Variants in AFTPH observed in about 807,000 individuals in gnomAD.
The protein encoded by AFTPH is aftiphilin protein.
A neutral mutation model predicts 72.5 loss-of-function variants in AFTPH; 7 were observed. The ratio of observed to expected loss-of-function variants is 0.10; its 90% CI spans 0.05 to 0.18. AFTPH has a LOEUF of 0.18. Ranked by LOEUF, AFTPH falls within the 10% of genes least tolerant of loss-of-function variation. The pLI is 1.00. For missense variants in AFTPH, 979 were observed against 1,060.5 expected (o/e 0.92, Z 1.07); for synonymous variants, 337 against 370.1 (o/e 0.91, Z 1.03).
At chr2:64,554,757 G>A (rs1320009104) in intron 2 of AFTPH, among the ~76,000 whole-genome samples, 3 of 152,194 alleles carry the variant, frequency 2.0e-5, no homozygotes, top group African/African-American at 7.2e-5. Context: ...TAAACAAGAA[G>A]TGAACTAATT....
chr2:64,530,881 G>A (rs965142078), intron 1 of AFTPH, among the ~76,000 whole-genome samples: 1 of 151,816 alleles, frequency 6.6e-6, no homozygotes, highest in Non-Finnish European at 1.5e-5. Context: ...GGCCAACATG[G>A]TAAAACCCCG....
chr2:64,529,243 GCTTTAT>G, intron 1 of AFTPH, among the ~76,000 whole-genome samples: 1 of 151,536 alleles, frequency 6.6e-6, no homozygotes, highest in Non-Finnish European at 1.5e-5. Flanking sequence ...GGGGCCCCAT[GCTTTAT>G]CTTTAATGAC....
intron 8 of AFTPH, among the ~76,000 whole-genome samples, chr2:64,591,443 C>G (rs1673818225): frequency 6.6e-6 from 1 of 152,254 alleles, no homozygotes; most frequent in Non-Finnish European, 1.5e-5. Flanking sequence ...ATGACTTAGT[C>G]TTTCCCTGGG....
chr2:64,525,017 C>T (rs574615420), intron 1 of AFTPH, among the ~76,000 whole-genome samples: 3 of 152,360 alleles, frequency 2.0e-5, no homozygotes, highest in Non-Finnish European at 2.9e-5. Flanking sequence ...CCCCCTCCCT[C>T]GTGACAGGTG....
chr2:64,527,091 C>T (rs939277530), intron 1 of AFTPH, among the ~76,000 whole-genome samples: 1 of 152,060 alleles, frequency 6.6e-6, no homozygotes, highest in African/African-American at 2.4e-5. Flanking sequence ...CTAAAAGTGA[C>T]CTTTGGAGAA....
At chr2:64,580,299 C>T (rs1320195208) in intron 7 of AFTPH, 1 of 152,594 alleles carries the variant, frequency 6.6e-6, no homozygotes, top group Non-Finnish European at 1.5e-5. Flanking sequence ...GTCTAAACAC[C>T]TATCATTGTC....
At chr2:64,561,678 TAAAAAG>T (rs1671752413) in intron 2 of AFTPH, among the ~76,000 whole-genome samples, 1 of 151,782 alleles carries the variant, frequency 6.6e-6, no homozygotes, top group South Asian at 2.1e-4. Flanking sequence ...GACCATCTCT[TAAAAAG>T]AAAAAAAAAA....
intron 1 of AFTPH, among the ~76,000 whole-genome samples, chr2:64,533,028 C>A (rs1669710697): frequency 6.6e-6 from 1 of 152,026 alleles, no homozygotes; most frequent in Non-Finnish European, 1.5e-5. Context: ...CTTTTTCCTG[C>A]AGAAAATAAA....
exon 2 of AFTPH, chr2:64,552,576 C>T (rs1009912088): frequency 6.2e-7 from 1 of 1,614,124 alleles, no homozygotes; most frequent in Non-Finnish European, 8.5e-7. Context: ...ATGTGCTCAC[C>T]TATGCATGGA....
intron 2 of AFTPH, 51 bp from the exon 3 acceptor site, chr2:64,567,511 A>T: frequency 6.4e-7 from 1 of 1,562,282 alleles, no homozygotes; most frequent in Admixed American, 1.9e-5. Flanking sequence ...TATAACTATG[A>T]TATTATCAAA....
At chr2:64,571,026 C>G (rs913603715) in intron 5 of AFTPH, among the ~76,000 whole-genome samples, 1 of 143,238 alleles carries the variant, frequency 7.0e-6, no homozygotes, top group African/African-American at 2.6e-5. Context: ...TTAAATGTAT[C>G]TCGCCCTCCC....
intron 7 of AFTPH, among the ~76,000 whole-genome samples, chr2:64,583,332 A>C (rs1573043880): frequency 6.7e-6 from 1 of 149,454 alleles, no homozygotes; most frequent in Non-Finnish European, 1.5e-5. Context: ...AAAAAAAAAG[A>C]CCTTCCATTA....
At chr2:64,562,477 G>T (rs1302857579) in intron 2 of AFTPH, among the ~76,000 whole-genome samples, 1 of 151,846 alleles carries the variant, frequency 6.6e-6, no homozygotes, top group Non-Finnish European at 1.5e-5. Context: ...GAACTGCTTT[G>T]ATGACAACAT....
At chr2:64,526,958 A>G (rs1224938447) in intron 1 of AFTPH, among the ~76,000 whole-genome samples, 1 of 152,230 alleles carries the variant, frequency 6.6e-6, no homozygotes, top group African/African-American at 2.4e-5. Flanking sequence ...GTTAAGTGAC[A>G]GATCCGTTTG....
At chr2:64,530,830 G>A (rs538648252) in intron 1 of AFTPH, among the ~76,000 whole-genome samples, 5 of 152,182 alleles carry the variant, frequency 3.3e-5, no homozygotes, top group African/African-American at 1.2e-4. Flanking sequence ...GGGAGGCCGA[G>A]GCGGGAGTAT....
intron 6 of AFTPH, among the ~76,000 whole-genome samples, chr2:64,575,060 A>T (rs1308695998): frequency 6.6e-6 from 1 of 152,122 alleles, no homozygotes; most frequent in Non-Finnish European, 1.5e-5. Flanking sequence ...TCCTCCATCT[A>T]ACCACTTCCA....
chr2:64,581,831 C>G (rs1171950604), intron 7 of AFTPH, among the ~76,000 whole-genome samples: 1 of 151,956 alleles, frequency 6.6e-6, no homozygotes, highest in East Asian at 1.9e-4. Context: ...TTATGTAGCT[C>G]TTAAATAGAA....
At chr2:64,526,963 C>G (rs1036131773) in intron 1 of AFTPH, among the ~76,000 whole-genome samples, 22 of 152,126 alleles carry the variant, frequency 1.4e-4, no homozygotes, top group African/African-American at 5.3e-4. Context: ...GTGACAGATC[C>G]GTTTGCTAGA....
At chr2:64,555,988 A>ATTTTTTTTTTTTTTTTT (rs1671340299) in intron 2 of AFTPH, among the ~76,000 whole-genome samples, 1 of 131,664 alleles carries the variant, frequency 7.6e-6, no homozygotes, top group African/African-American at 3.6e-5. Context: ...CGAATTCCTC[A>ATTTTTTTTTTTTTTTTT]CTTTTTTTTT....
Sources: gnomAD v4.1 joint callset for allele counts (sites outside exome capture counted in the v4.1 genomes callset) on GRCh38, gnomAD v4.1.1 for gene constraint, MANE v1.5 for transcripts, NCBI Gene and HGNC (gene_info 2026-07-23, HGNC 2026-07-21) for gene names.